The following AGAP1 variants were observed in gnomAD, a reference collection of about 807,000 sequenced individuals.
AGAP1 encodes arf-GAP with GTPase, ANK repeat and PH domain-containing protein 1.
In AGAP1, 29 loss-of-function variants were observed where a neutral mutation model predicts 105.3. The ratio of observed to expected loss-of-function variants is 0.28; its 90% CI spans 0.21 to 0.38. AGAP1 has a LOEUF of 0.38. AGAP1 is among the 10% of genes least tolerant of loss of function. AGAP1 has a pLI of 1.00. For missense variants in AGAP1, 998 were observed against 1,165.1 expected (o/e 0.86, Z 2.09); for synonymous variants, 509 against 485.9 (o/e 1.05, Z -0.63).
At position 236,012,141 on chromosome 2, in the gene AGAP1, A is replaced by G. The variant is rs2056534145; in HGVS notation, c.1646-24420A>G. ...GACATTTTGCACATTAAAATGGATT[A>G]TTTCATCAATAGGTTAATAGAAAGC... On this transcript the variant is annotated intron_variant, in intron 13 of 17. Coordinates refer to ENST00000304032, the MANE Select transcript of AGAP1 (RefSeq NM_001037131.3). The surrounding 1 kb of genome is among the most constrained non-coding windows in gnomAD (Gnocchi z 4.9). 6.6e-6 allele frequency among the ~76,000 whole-genome samples: 1 copy of G among 152,130 alleles called. No individual in the cohort carries two copies. Among genetic ancestry groups the G allele is most frequent in the Admixed American group, 6.5e-5 (1 of 15,284 alleles).
intron 15 of AGAP1, among the ~76,000 whole-genome samples, chr2:236,043,205 G>T (rs561316560): frequency 6.6e-6 from 1 of 152,272 alleles, no homozygotes; most frequent in South Asian, 2.1e-4. Flanking sequence ...GGGGCCTTTC[G>T]ACAATGTATA....
At chr2:236,034,810 C>T (rs2057330292) in intron 13 of AGAP1, among the ~76,000 whole-genome samples, 1 of 152,214 alleles carries the variant, frequency 6.6e-6, no homozygotes, top group Non-Finnish European at 1.5e-5. Flanking sequence ...GCCCAGGGCA[C>T]AGTGGCTGTC....
intron 6 of AGAP1, among the ~76,000 whole-genome samples, chr2:235,771,554 G>T (rs1955451492): frequency 6.6e-6 from 1 of 152,206 alleles, no homozygotes; most frequent in Non-Finnish European, 1.5e-5. Flanking sequence ...GTGTTCACGT[G>T]ACTTGAGAGC....
rs2057655847 is a variant in AGAP1 at position 236,044,481 on chromosome 2, C to T, written c.1891+3640C>T. Among the ~76,000 whole-genome samples the T allele has an allele frequency of 1.3e-5, 2 of 152,142 alleles. No homozygotes were observed. Among genetic ancestry groups the T allele is most frequent in the African/African-American group, 2.4e-5 (1 of 41,430 alleles). On this transcript the variant is annotated intron_variant, in intron 15 of 17. Transcript: ENST00000304032. This position sits in a 1 kb window ranked among gnomAD's most constrained non-coding sequence, Gnocchi z 5.7. Reference sequence around the variant, plus strand: ...GAAGCCCTGGTTGGAGCTGACCGTGCGCTGGTCCCTCCCACCCTGCTGCGT... The same window carrying T: ...GAAGCCCTGGTTGGAGCTGACCGTGTGCTGGTCCCTCCCACCCTGCTGCGT...
intron 1 of AGAP1, among the ~76,000 whole-genome samples, chr2:235,546,278 C>T (rs1365456538): frequency 2.6e-5 from 4 of 152,326 alleles, no homozygotes; most frequent in South Asian, 2.1e-4. Context: ...CGCAGGCCCT[C>T]GGGTGCCACC....
chr2:235,916,129 T>G (rs1365915464), intron 11 of AGAP1, among the ~76,000 whole-genome samples: 1 of 151,120 alleles, frequency 6.6e-6, no homozygotes, highest in Admixed American at 6.6e-5. Flanking sequence ...CATCTCTGTC[T>G]TAAAGGGTTT....
intron 13 of AGAP1, among the ~76,000 whole-genome samples, chr2:235,991,990 A>C (rs764448597): frequency 6.6e-6 from 1 of 152,218 alleles, no homozygotes; most frequent in East Asian, 1.9e-4. Context: ...CAGCCTCACA[A>C]ATGTCCACAT....
At chr2:235,920,383 T>C (rs2052121808) in intron 11 of AGAP1, among the ~76,000 whole-genome samples, 1 of 152,214 alleles carries the variant, frequency 6.6e-6, no homozygotes, top group Admixed American at 6.5e-5. Context: ...TCCAGCTCAC[T>C]GTCACCTGCT....
rs147720737 is a variant in AGAP1, at chr2:235,881,403, C to T, written c.1051-1942C>T. Among the ~76,000 whole-genome samples the T allele has an allele frequency of 2.6e-5, 4 of 152,350 alleles. No individual in the cohort carries two copies. The East Asian group carries it at 7.7e-4, about 29-fold the overall frequency. ...TATTTCAAAACTCATAACTTTCCTT[C>T]TGCCTCAGTCCAGGTGAATTAACTA... On this transcript the variant is annotated intron_variant, in intron 9 of 17. Transcript: ENST00000304032.
At chr2:235,508,541 C>T (rs1383848474) in intron 1 of AGAP1, among the ~76,000 whole-genome samples, 3 of 152,058 alleles carry the variant, frequency 2.0e-5, no homozygotes, top group African/African-American at 2.4e-5. Flanking sequence ...GAGTTGGTGG[C>T]GGCTGGGATG....
At position 235,623,535 on chromosome 2, in the gene AGAP1, TC is replaced by T. The variant is rs1219540426; in HGVS notation, c.164-85642del. Among the ~76,000 whole-genome samples the T allele has an allele frequency of 6.6e-6, 1 of 152,180 alleles. No homozygotes were observed. Among genetic ancestry groups the T allele is most frequent in the Non-Finnish European group, 1.5e-5 (1 of 68,036 alleles). ...TTGCTGAGCACTTCTCTCTTCCTGT[TC>T]CTGTGCTGCTGGGCCTTCACAGCAT... On this transcript the variant is annotated intron_variant, in intron 1 of 17. Coordinates refer to ENST00000304032, the MANE Select transcript of AGAP1 (RefSeq NM_001037131.3). This position sits in a 1 kb window ranked among gnomAD's most constrained non-coding sequence, Gnocchi z 4.5.
In AGAP1 at chr2:235,662,830, C is replaced by G. The variant is rs2149342163; in HGVS notation, c.164-46349C>G. Among the ~76,000 whole-genome samples the G allele has an allele frequency of 6.6e-6, 1 of 152,336 alleles. No individual in the cohort carries two copies. The highest frequency in any genetic ancestry group is 1.5e-5 in the Non-Finnish European group (1 of 68,020). ...GAACCCCTCACCCTGCTCAGTGCTC[C>G]TGGCCACTGCTGACTGGTGCATGGC... On this transcript the variant is annotated intron_variant, in intron 1 of 17. Coordinates refer to ENST00000304032, the MANE Select transcript of AGAP1 (RefSeq NM_001037131.3). The surrounding 1 kb of genome is among the most constrained non-coding windows in gnomAD (Gnocchi z 4.2).
intron 1 of AGAP1, among the ~76,000 whole-genome samples, chr2:235,702,934 G>GCTTTTTTTTTTTTTT (rs1950324299): frequency 1.1e-5 from 1 of 88,946 alleles, no homozygotes; most frequent in Non-Finnish European, 2.2e-5. Context: ...AGTTTTCTTG[G>GCTTTTTTTTTTTTTT]TTTTTTTTTT....
chr2:236,026,140 A>G (rs1277684571), intron 13 of AGAP1, among the ~76,000 whole-genome samples: 1 of 152,196 alleles, frequency 6.6e-6, no homozygotes, highest in Non-Finnish European at 1.5e-5. Context: ...CCTGTGGGCC[A>G]TGTCCTGACA....
At chr2:235,749,820 A>G (rs1436511365) in intron 5 of AGAP1, among the ~76,000 whole-genome samples, 7 of 152,214 alleles carry the variant, frequency 4.6e-5, no homozygotes, top group East Asian at 1.9e-4. Flanking sequence ...TCTCTGGCCA[A>G]CTAGAATGTC....
intron 2 of AGAP1, among the ~76,000 whole-genome samples, chr2:235,717,050 A>ACC (rs1470512260): frequency 1.6e-4 from 24 of 147,234 alleles, no homozygotes; most frequent in Admixed American, 2.7e-4. Flanking sequence ...TTGCTCCTCC[A>ACC]CCCCCAGGTC....
chr2:235,586,688 C>T lies in AGAP1; in HGVS notation c.163+91839C>T, dbSNP rs543072600. 6.6e-5 allele frequency among the ~76,000 whole-genome samples: 10 copies of T among 152,098 alleles called. No individual in the cohort carries two copies. The highest frequency in any genetic ancestry group is 2.2e-4 in the African/African-American group (9 of 41,400). On this transcript the variant is annotated intron_variant, in intron 1 of 17. Coordinates refer to ENST00000304032, the MANE Select transcript of AGAP1 (RefSeq NM_001037131.3). This position sits in a 1 kb window ranked among gnomAD's most constrained non-coding sequence, Gnocchi z 4.2. ...TCAGAGTGAGACTGTGCAGGACTGC[C>T]CCGTACAGTACGGCTTCTATGTGTG...
chr2:235,669,487 A>ACGCCGCCGCGCTCGCCGC (rs1049366270), intron 1 of AGAP1: 4 of 153,288 alleles, frequency 2.6e-5, no homozygotes, highest in Non-Finnish European at 4.3e-5. Flanking sequence ...TTGGGCCTGC[A>ACGCCGCCGCGCTCGCCGC]CGCCGCCGCG....
chr2:235,939,867 C>G (rs144243947), intron 12 of AGAP1, among the ~76,000 whole-genome samples: 4 of 152,172 alleles, frequency 2.6e-5, no homozygotes, highest in Admixed American at 2.6e-4. Flanking sequence ...ACTCAGCTCT[C>G]TCCTGTCCTC....
Sources: allele counts gnomAD v4.1 joint callset (sites outside exome capture counted in the v4.1 genomes callset), GRCh38; gene constraint gnomAD v4.1.1; non-coding constraint Gnocchi (gnomAD v3.1); transcripts MANE v1.5; gene names NCBI Gene and HGNC (gene_info 2026-07-23, HGNC 2026-07-21).